MTMR2: variants seen among roughly 807,000 people sequenced by gnomAD.
MTMR2 encodes myotubularin related protein 2.
Under a neutral mutation model 86.9 loss-of-function variants are expected in MTMR2, and 55 were observed. The ratio of observed to expected loss-of-function variants is 0.63; its 90% CI spans 0.51 to 0.79. The LOEUF is 0.79. MTMR2 is among the 30% of genes least tolerant of loss of function. The pLI is 0.00. For synonymous variants in MTMR2, 241 were observed against 266.8 expected (o/e 0.90, Z 0.94); for missense variants, 659 against 772.3 (o/e 0.85, Z 1.74).
At chr11:95,884,282 T>C (rs1238641458) in intron 2 of MTMR2, among the ~76,000 whole-genome samples, 7 of 152,232 alleles carry the variant, frequency 4.6e-5, no homozygotes. Context: ...AACTCTCCTT[T>C]TCTGGTTACT....
intron 1 of MTMR2, among the ~76,000 whole-genome samples, chr11:95,914,618 C>G (rs1168377861): frequency 7.0e-6 from 1 of 142,518 alleles, no homozygotes; most frequent in Non-Finnish European, 1.6e-5. Context: ...AGGTAAAATT[C>G]TCTCCAAATA....
At chr11:95,848,014 T>G in intron 9 of MTMR2, 115 bp from the exon 10 acceptor site, 1 of 1,039,728 alleles carries the variant, frequency 9.6e-7, no homozygotes, top group Non-Finnish European at 1.5e-6. Context: ...CAAGGAAAAC[T>G]CCACAGGAAA....
At chr11:95,905,824 C>T (rs893219294) in intron 1 of MTMR2, among the ~76,000 whole-genome samples, 1 of 151,758 alleles carries the variant, frequency 6.6e-6, no homozygotes, top group Non-Finnish European at 1.5e-5. Context: ...TATATTCACA[C>T]TAAAATAAGG....
In MTMR2 at chr11:95,862,282, C is replaced by G. The variant is rs1864451919; in HGVS notation, c.347G>C (p.Ser116Thr). Residue 116 changes from serine to threonine, a missense_variant, in exon 4 of 15, where the codon AGC (serine) becomes ACC (threonine). Coordinates refer to ENST00000346299, the MANE Select transcript of MTMR2 (RefSeq NM_016156.6). Reference protein sequence around the residue: ...TVTNYRLYFKSMERDPPFVLD... With the variant: ...TVTNYRLYFKTMERDPPFVLD... ...TAATCTGACTCTTACCCGTTCCATG[C>G]TTTTGAAATATAACCTATAATTCGT... 6.2e-7 allele frequency: 1 copy of G among 1,613,712 alleles called. No homozygotes were observed. The highest frequency in any genetic ancestry group is 8.5e-7 in the Non-Finnish European group (1 of 1,179,796).
intron 7 of MTMR2, among the ~76,000 whole-genome samples, chr11:95,855,707 TA>T (rs1353948803): frequency 1.3e-5 from 2 of 152,174 alleles, no homozygotes; most frequent in Non-Finnish European, 2.9e-5. Flanking sequence ...ATAAATATAA[TA>T]ATCATCATTT....
Position 95,836,231 on chromosome 11 carries a change from C to G in MTMR2, c.1687G>C (p.Val563Leu). Residue 563 changes from valine to leucine, a missense_variant, in exon 14 of 15, where the codon GTC becomes CTC. By Grantham distance (32) the Val-to-Leu change is conservative. This residue lies in a region of MTMR2 where 193 missense variants were observed against 191.6 expected (regional missense o/e 1.01). Coordinates refer to ENST00000346299, the MANE Select transcript of MTMR2 (RefSeq NM_016156.6). ...CGCATGCTGGCTACTGGATAAAGGA[C>G]ATGATTGGAATAGCTCCCATAGAGA... ...NPLYGSYSNH[V>L]LYPVASMRHL... 6.2e-7 allele frequency: 1 copy of G among 1,612,948 alleles called. No homozygotes were observed. Among genetic ancestry groups the G allele is most frequent in the Non-Finnish European group, 8.5e-7 (1 of 1,179,184 alleles).
chr11:95,906,122 G>A (rs1292977603), intron 1 of MTMR2, among the ~76,000 whole-genome samples: 3 of 152,164 alleles, frequency 2.0e-5, no homozygotes, highest in Non-Finnish European at 2.9e-5. Flanking sequence ...TTATTCAGGA[G>A]GCTGAGGCAC....
chr11:95,859,061 A>G (rs1214380042), intron 5 of MTMR2, among the ~76,000 whole-genome samples: 3 of 152,154 alleles, frequency 2.0e-5, no homozygotes, highest in Admixed American at 2.0e-4. Context: ...TACATTTCAT[A>G]CGTGTCTTCA....
intron 1 of MTMR2, among the ~76,000 whole-genome samples, chr11:95,918,711 C>T (rs986947576): frequency 6.6e-6 from 1 of 152,188 alleles, no homozygotes; most frequent in Admixed American, 6.5e-5. Flanking sequence ...ATTTCTACCT[C>T]TAATCTTGCC....
At chr11:95,876,134 C>G (rs1251847605) in intron 2 of MTMR2, among the ~76,000 whole-genome samples, 1 of 152,210 alleles carries the variant, frequency 6.6e-6, no homozygotes, top group African/African-American at 2.4e-5. Context: ...AGCTGTCAGA[C>G]AGGGACATTT....
chr11:95,924,020 G>A lies in MTMR2; in HGVS notation c.-66C>T, dbSNP rs978385929. 2 of 1,541,176 alleles carry A rather than the reference G, an allele frequency of 1.3e-6. No individual in the cohort carries two copies. The highest frequency in any genetic ancestry group is 1.8e-6 in the Non-Finnish European group (2 of 1,139,274). ...TCGCGGCTACAGGGCGGGAGAAGCGGAGGGCGGAGTGCTACGGACCGGGGC... is the reference window on the plus strand; with the variant it reads ...TCGCGGCTACAGGGCGGGAGAAGCGAAGGGCGGAGTGCTACGGACCGGGGC... On this transcript the variant is annotated 5_prime_UTR_variant, in exon 1 of 15. Transcript: ENST00000346299.
chr11:95,840,737 A>G (rs993978009), intron 12 of MTMR2, among the ~76,000 whole-genome samples: 1 of 152,178 alleles, frequency 6.6e-6, no homozygotes. Context: ...ATTTTCTTGT[A>G]TTGAAATAAA....
At chr11:95,892,633 T>A (rs1050698912) in intron 1 of MTMR2, among the ~76,000 whole-genome samples, 2 of 152,204 alleles carry the variant, frequency 1.3e-5, no homozygotes, top group Non-Finnish European at 2.9e-5. Flanking sequence ...ACATTCCTGT[T>A]TTCCTTGTCA....
intron 1 of MTMR2, among the ~76,000 whole-genome samples, chr11:95,896,566 T>C (rs1362734966): frequency 2.6e-5 from 4 of 152,072 alleles, no homozygotes; most frequent in African/African-American, 9.7e-5. Flanking sequence ...TCCTAGGACC[T>C]AGCATAGCAC....
chr11:95,871,600 A>G (rs551090161), intron 2 of MTMR2, among the ~76,000 whole-genome samples: 1 of 152,132 alleles, frequency 6.6e-6, no homozygotes, highest in South Asian at 2.1e-4. Context: ...TTTCTTGTAA[A>G]TTTGTTTGAG....
At chr11:95,917,416 T>C (rs978589559) in intron 1 of MTMR2, among the ~76,000 whole-genome samples, 1 of 152,198 alleles carries the variant, frequency 6.6e-6, no homozygotes, top group African/African-American at 2.4e-5. Flanking sequence ...CTCCTTCCCC[T>C]GGGCATAATC....
intron 9 of MTMR2, 91 bp downstream of exon 9, chr11:95,849,583 T>A (rs926199831): frequency 8.7e-7 from 1 of 1,155,148 alleles, no homozygotes; most frequent in African/African-American, 1.5e-5. Context: ...TTTACCACTG[T>A]AGAGCCTGAG....
chr11:95,851,623 A>C (rs892600339), intron 7 of MTMR2, among the ~76,000 whole-genome samples: 1 of 152,186 alleles, frequency 6.6e-6, no homozygotes, highest in Non-Finnish European at 1.5e-5. Context: ...CAGCCTCCCA[A>C]AGTGCAGGGT....
At chr11:95,858,435 G>A (rs1380916833) in intron 6 of MTMR2, 96 bp downstream of exon 6, 2 of 811,294 alleles carry the variant, frequency 2.5e-6, no homozygotes, top group East Asian at 2.5e-5. Context: ...TCAAAGCAGG[G>A]ATGTAAATGT....
Sources: gnomAD v4.1 joint callset for allele counts (sites outside exome capture counted in the v4.1 genomes callset) on GRCh38, gnomAD v4.1.1 for gene constraint, gnomAD v4.1.1 regional missense constraint, MANE v1.5 for transcripts, NCBI Gene and HGNC (gene_info 2026-07-23, HGNC 2026-07-21) for gene names.